Variants in SCN3B observed in about 807,000 individuals in gnomAD.
SCN3B encodes sodium channel regulatory subunit beta-3.
In SCN3B, 11 loss-of-function variants were observed where a neutral mutation model predicts 25.4. That is an observed-to-expected ratio of 0.43 (90% CI 0.27 to 0.72). The LOEUF (loss-of-function observed/expected upper bound fraction) is 0.72. SCN3B is among the 30% of genes least tolerant of loss of function. The pLI, the probability that SCN3B is intolerant of heterozygous loss-of-function variation, is 0.18. For missense variants in SCN3B, 218 were observed against 278.3 expected (o/e 0.78, Z 1.54); for synonymous variants, 109 against 110.7 (o/e 0.99, Z 0.09).
intron 6 of SCN3B, 86 bp downstream of exon 6, chr11:123,634,035 A>T: frequency 9.0e-7 from 1 of 1,106,856 alleles, no homozygotes; most frequent in South Asian, 1.3e-5. Flanking sequence ...GACCAAATTT[A>T]AAGTCACTTC....
chr11:123,651,408 C>T (rs1003912088), intron 2 of SCN3B, among the ~76,000 whole-genome samples: 3 of 151,764 alleles, frequency 2.0e-5, no homozygotes, highest in Admixed American at 6.6e-5. Context: ...CTGTTGCCCA[C>T]GCTGGAGTGC....
rs1591346414 is a variant in SCN3B, at chr11:123,642,721, T to G, written c.220-50A>C. On this transcript the variant is annotated intron_variant, in intron 3 of 6. Coordinates refer to ENST00000299333, the MANE Select transcript of SCN3B (RefSeq NM_001040151.2). The surrounding 1 kb of genome is among the most constrained non-coding windows in gnomAD (Gnocchi z 4.3). ...GTAGGGCCAGGAAAGGAGATGGCAG[T>G]GGGGGGAAGCCGAGTTAGGGACAGG... 1.4e-6 allele frequency: 2 copies of G among 1,448,756 alleles called. No individual in the cohort carries two copies. Among genetic ancestry groups the G allele is most frequent in the African/African-American group, 2.8e-5 (2 of 71,324 alleles). 89.7% of individuals were successfully genotyped at this position (1,448,756 alleles called of 1,614,324 possible).
chr11:123,644,786 AGAGAGAGAGAGAGAATAT>A (rs1449664096), intron 3 of SCN3B, among the ~76,000 whole-genome samples: 5 of 97,440 alleles, frequency 5.1e-5, no homozygotes, highest in Non-Finnish European at 1.0e-4. Context: ...AGAGAGAGAG[AGAGAGAGAGAGAGAATAT>A]ATATATATAT....
At chr11:123,650,737 C>T (rs541363087) in intron 2 of SCN3B, among the ~76,000 whole-genome samples, 63 of 152,254 alleles carry the variant, frequency 4.1e-4, no homozygotes, top group African/African-American at 1.4e-3. Flanking sequence ...CACTGGAAGA[C>T]TGAAATCAGA....
chr11:123,652,292 A>G lies in SCN3B; in HGVS notation c.55+1455T>C, dbSNP rs541190050. Among the ~76,000 whole-genome samples the G allele has an allele frequency of 2.6e-3, 393 of 152,308 alleles. 1 individual carries two copies. The highest frequency in any genetic ancestry group is 9.1e-3 in the African/African-American group (378 of 41,560). Reference sequence around the variant, plus strand: ...CAGGTGAGATCATTGGCAACATATTATAGCTGCTCCATCTCCAGGTCTGGT... The same window carrying G: ...CAGGTGAGATCATTGGCAACATATTGTAGCTGCTCCATCTCCAGGTCTGGT... On this transcript the variant is annotated intron_variant, in intron 2 of 6. Transcript: ENST00000299333.
chr11:123,644,796 AGAGAATATATATATATATAT>A (rs1294510904), intron 3 of SCN3B, among the ~76,000 whole-genome samples: 8 of 53,470 alleles, frequency 1.5e-4, no homozygotes, highest in African/African-American at 6.0e-4. Context: ...AGAGAGAGAG[AGAGAATATATATATATATAT>A]ATATATATAT....
chr11:123,648,834 G>A (rs753701952), intron 2 of SCN3B, among the ~76,000 whole-genome samples: 7 of 152,198 alleles, frequency 4.6e-5, no homozygotes, highest in African/African-American at 9.7e-5. Context: ...AGCAAACAAC[G>A]TGAGAATAGA....
Position 123,642,347 on chromosome 11 carries a change from T to C in SCN3B, c.445+99A>G. On this transcript the variant is annotated intron_variant, in intron 4 of 6. Coordinates refer to ENST00000299333, the MANE Select transcript of SCN3B (RefSeq NM_001040151.2). This position sits in a 1 kb window ranked among gnomAD's most constrained non-coding sequence, Gnocchi z 4.3. ...GTCACCATTCCAAATACATGGGTTT[T>C]TGCACTCTTTAAGGGCCTCACTCGT... 8.7e-7 allele frequency: 1 copy of C among 1,148,240 alleles called. No homozygotes were observed. The highest frequency in any genetic ancestry group is 1.3e-6 in the Non-Finnish European group (1 of 764,382). The allele number at this position is 1,148,240 out of a possible 1,614,324, so 71.1% of individuals were successfully genotyped here.
chr11:123,653,806 T>G lies in SCN3B; in HGVS notation c.-5A>C. On this transcript the variant is annotated 5_prime_UTR_variant, in exon 2 of 7. Coordinates refer to ENST00000299333, the MANE Select transcript of SCN3B (RefSeq NM_001040151.2). ...CAATCTATTGAAGGCAGGCATCTTC[T>G]GGGGCTGGCGGCTTCCAAGGCTACA... 6.2e-7 allele frequency: 1 copy of G among 1,614,204 alleles called. No homozygotes were observed. The highest frequency in any genetic ancestry group is 8.5e-7 in the Non-Finnish European group (1 of 1,180,020).
intron 2 of SCN3B, among the ~76,000 whole-genome samples, chr11:123,650,680 C>T (rs1257956454): frequency 6.6e-6 from 1 of 152,042 alleles, no homozygotes; most frequent in Non-Finnish European, 1.5e-5. Context: ...GCCCTCCTGG[C>T]GATTGTGCAT....
At chr11:123,644,800 A>AGAGAATATAT (rs1272015067) in intron 3 of SCN3B, among the ~76,000 whole-genome samples, 9 of 45,580 alleles carry the variant, frequency 2.0e-4, no homozygotes, top group African/African-American at 4.7e-4. Flanking sequence ...AGAGAGAGAG[A>AGAGAATATAT]ATATATATAT....
In SCN3B at chr11:123,634,221, G is replaced by C; in HGVS notation, c.585-15C>G. The C allele has an allele frequency of 6.2e-7, 1 of 1,611,868 alleles. No homozygotes were observed. Among genetic ancestry groups the C allele is most frequent in the Admixed American group, 1.7e-5 (1 of 59,992 alleles). Reference sequence around the variant, plus strand: ...GGTAGTCAGACCTATAGAGGACACAGGGAAAGGGAATCAGAGCTTCAGTGC... The same window carrying C: ...GGTAGTCAGACCTATAGAGGACACACGGAAAGGGAATCAGAGCTTCAGTGC... On this transcript the variant is annotated splice_polypyrimidine_tract_variant and intron_variant, in intron 5 of 6. Coordinates refer to ENST00000299333, the MANE Select transcript of SCN3B (RefSeq NM_001040151.2).
rs770945404 is a variant in SCN3B at position 123,634,104 on chromosome 11, A to C, written c.*22+17T>G. ...CCATCCACATCTGCCTTCCCCTCCCATGTTCCTGTAGGTCACCTCATGTCA... is the reference window on the plus strand; with the variant it reads ...CCATCCACATCTGCCTTCCCCTCCCCTGTTCCTGTAGGTCACCTCATGTCA... On this transcript the variant is annotated intron_variant, in intron 6 of 6. Coordinates refer to ENST00000299333, the MANE Select transcript of SCN3B (RefSeq NM_001040151.2). 6.3e-7 allele frequency: 1 copy of C among 1,594,436 alleles called. No homozygotes were observed. Among genetic ancestry groups the C allele is most frequent in the South Asian group, 1.1e-5 (1 of 90,626 alleles).
At position 123,633,442 on chromosome 11, in the gene SCN3B, G is replaced by A. The variant is rs1056076334; in HGVS notation, c.*357C>T. 6.5e-6 allele frequency: 1 copy of A among 154,160 alleles called. No homozygotes were observed. The highest frequency in any genetic ancestry group is 1.4e-5 in the Non-Finnish European group (1 of 69,354). 9.5% of individuals were successfully genotyped at this position (154,160 alleles called of 1,614,324 possible). A position where few individuals can be genotyped will look rare whatever the true frequency, so the allele number is the denominator to read the frequency against. ...AGTTCCAGCCAGTTAAGGGCAGAGG[G>A]AGGTGCTAACTCCAGCACTTGTACA... On this transcript the variant is annotated 3_prime_UTR_variant, in exon 7 of 7. Transcript: ENST00000299333.
Position 123,642,125 on chromosome 11 carries a change from A to C in SCN3B, c.445+321T>G, listed in dbSNP as rs1461799738. Among the ~76,000 whole-genome samples the C allele has an allele frequency of 6.6e-6, 1 of 152,180 alleles. No homozygotes were observed. The highest frequency in any genetic ancestry group is 1.9e-4 in the East Asian group (1 of 5,194). On this transcript the variant is annotated intron_variant, in intron 4 of 6. Transcript: ENST00000299333. The surrounding 1 kb of genome is among the most constrained non-coding windows in gnomAD (Gnocchi z 4.3). ...TGAGTCAGGGATTCAACATAGGCCAAAGAAGAAGGCCTAGCTGAATCAGTA... is the reference window on the plus strand; with the variant it reads ...TGAGTCAGGGATTCAACATAGGCCACAGAAGAAGGCCTAGCTGAATCAGTA...
chr11:123,653,871 T>C, intron 1 of SCN3B, 45 bp from the exon 2 acceptor site: 1 of 1,564,288 alleles, frequency 6.4e-7, no homozygotes, highest in Non-Finnish European at 8.8e-7. Context: ...CCCTCTCAGA[T>C]TCTTTCGAGG....
At position 123,642,394 on chromosome 11, in the gene SCN3B, T is replaced by C; in HGVS notation, c.445+52A>G. On this transcript the variant is annotated intron_variant, in intron 4 of 6. Transcript: ENST00000299333. This position sits in a 1 kb window ranked among gnomAD's most constrained non-coding sequence, Gnocchi z 4.3. ...TCGTGGAAAACTGCTGTCCTACCCT[T>C]CCCTGTCCACAGAGAGCAGGACGCC... The C allele has an allele frequency of 6.4e-7, 1 of 1,565,318 alleles. No individual in the cohort carries two copies. Among genetic ancestry groups the C allele is most frequent in the Non-Finnish European group, 8.8e-7 (1 of 1,135,892 alleles).
chr11:123,646,659 C>T (rs2137248437), intron 2 of SCN3B, among the ~76,000 whole-genome samples: 2 of 152,184 alleles, frequency 1.3e-5, no homozygotes, highest in East Asian at 3.9e-4. Context: ...GTGTTTCTGC[C>T]CTCTAGAAAC....
chr11:123,638,423 T>C, intron 4 of SCN3B, 99 bp from the exon 5 acceptor site: 1 of 1,499,298 alleles, frequency 6.7e-7, no homozygotes, highest in South Asian at 1.2e-5. Context: ...AAAGACTGAG[T>C]AAAGAAACTC....
Sources: gnomAD v4.1 joint callset for allele counts (sites outside exome capture counted in the v4.1 genomes callset) on GRCh38, gnomAD v4.1.1 for gene constraint, Gnocchi (gnomAD v3.1) non-coding constraint, MANE v1.5 for transcripts, NCBI Gene and HGNC (gene_info 2026-07-23, HGNC 2026-07-21) for gene names.